PCDH9: variants seen among roughly 807,000 people sequenced by gnomAD.
PCDH9 encodes protocadherin 9, also known as protocadherin-9.
PCDH9 carries 24 observed loss-of-function variants against 70.6 expected under a neutral mutation model. The observed-to-expected ratio is 0.34, with a 90% CI of 0.25 to 0.48. The LOEUF (loss-of-function observed/expected upper bound fraction) is 0.48, where lower values mean the gene tolerates loss of function less well. Ranked by LOEUF, PCDH9 falls within the 20% of genes least tolerant of loss-of-function variation. The pLI is 0.99. For missense variants in PCDH9, 1,281 were observed against 1,503.6 expected, an observed-to-expected ratio of 0.85 and a Z score of 2.45; for synonymous variants, 562 against 558.5, an observed-to-expected ratio of 1.01 and a Z score of -0.09.
intron 2 of PCDH9, among the ~76,000 whole-genome samples, chr13:67,145,450 C>T (rs2087499837): frequency 6.6e-6 from 1 of 151,738 alleles, no homozygotes; most frequent in South Asian, 2.1e-4. Context: ...CACAGAAGCT[C>T]AAGAGTCTTA....
chr13:67,069,235 A>G (rs1432964286), intron 2 of PCDH9, among the ~76,000 whole-genome samples: 1 of 152,094 alleles, frequency 6.6e-6, no homozygotes, highest in Non-Finnish European at 1.5e-5. Flanking sequence ...TGCTTTTTCA[A>G]AAAGAGAATT....
At chr13:66,726,401 A>G (rs1160821870) in intron 3 of PCDH9, among the ~76,000 whole-genome samples, 1 of 152,208 alleles carries the variant, frequency 6.6e-6, no homozygotes, top group Non-Finnish European at 1.5e-5. Flanking sequence ...ATTAGATGGT[A>G]AAAGAAGCAT....
intron 3 of PCDH9, among the ~76,000 whole-genome samples, chr13:66,686,319 T>C (rs2078401224): frequency 6.6e-6 from 1 of 152,190 alleles, no homozygotes; most frequent in African/African-American, 2.4e-5. Flanking sequence ...TTATCTTTCC[T>C]GCCATCATTG....
chr13:66,992,366 C>T (rs1349758625), intron 2 of PCDH9, among the ~76,000 whole-genome samples: 3 of 152,084 alleles, frequency 2.0e-5, no homozygotes, highest in Non-Finnish European at 4.4e-5. Context: ...GGGGAAATCA[C>T]CCCCTCCAGC....
intron 3 of PCDH9, among the ~76,000 whole-genome samples, chr13:66,897,358 C>T (rs749742017): frequency 1.3e-5 from 2 of 151,920 alleles, no homozygotes; most frequent in Non-Finnish European, 2.9e-5. Flanking sequence ...ACTTGTTTCC[C>T]CTCTAAAGAA....
chr13:67,092,999 T>G (rs187304950), intron 2 of PCDH9, among the ~76,000 whole-genome samples: 20 of 152,188 alleles, frequency 1.3e-4, no homozygotes, highest in Non-Finnish European at 2.1e-4. Flanking sequence ...TAAGTAGCTA[T>G]GCAATATCAG....
rs189584801 is a variant in PCDH9 at position 66,489,236 on chromosome 13, G to A, written c.3340+141974C>T. ...GTATATCACATATCACTGTGTTACC[G>A]CATTGAAAAATTATAATCTGTCTAC... On this transcript the variant is annotated intron_variant, in intron 4 of 4. Transcript: ENST00000377865. Among the ~76,000 whole-genome samples, 196 of 152,152 alleles carry A rather than the reference G, an allele frequency of 1.3e-3. 1 individual carries two copies. Among genetic ancestry groups the A allele is most frequent in the African/African-American group, 4.5e-3 (187 of 41,514 alleles).
intron 4 of PCDH9, among the ~76,000 whole-genome samples, chr13:66,431,715 G>A (rs1427679568): frequency 6.6e-6 from 1 of 151,912 alleles, no homozygotes; most frequent in East Asian, 1.9e-4. Context: ...TCAAAACCAA[G>A]ACACCCACAG....
At chr13:66,771,947 GA>G in intron 3 of PCDH9, among the ~76,000 whole-genome samples, 1 of 152,198 alleles carries the variant, frequency 6.6e-6, no homozygotes, top group African/African-American at 2.4e-5. Context: ...TTAGAAAAAA[GA>G]ACAACAACAA....
intron 4 of PCDH9, among the ~76,000 whole-genome samples, chr13:66,469,291 CA>C (rs988509345): frequency 6.6e-6 from 1 of 151,940 alleles, no homozygotes; most frequent in Non-Finnish European, 1.5e-5. Flanking sequence ...TTTGCTGCGA[CA>C]AAACCACATT....
chr13:66,703,544 A>G (rs1335090480), intron 3 of PCDH9, among the ~76,000 whole-genome samples: 1 of 152,172 alleles, frequency 6.6e-6, no homozygotes, highest in Non-Finnish European at 1.5e-5. Flanking sequence ...GATTGAGGAT[A>G]TGTGTTTTCT....
intron 2 of PCDH9, among the ~76,000 whole-genome samples, chr13:66,936,460 T>C (rs1407685882): frequency 2.0e-5 from 3 of 152,178 alleles, no homozygotes; most frequent in Non-Finnish European, 4.4e-5. Context: ...ATTTCTTCCA[T>C]TGCTGGAAGA....
intron 2 of PCDH9, among the ~76,000 whole-genome samples, chr13:67,186,283 T>G (rs796231116): frequency 1.5e-4 from 23 of 152,306 alleles, no homozygotes; most frequent in African/African-American, 5.5e-4. Context: ...TGAGTGATTC[T>G]AAAGTTGAAA....
chr13:67,200,561 A>G (rs2089184560), intron 2 of PCDH9, among the ~76,000 whole-genome samples: 1 of 152,124 alleles, frequency 6.6e-6, no homozygotes, highest in South Asian at 2.1e-4. Flanking sequence ...ACCATTTTTC[A>G]ATAGCATGCC....
intron 3 of PCDH9, among the ~76,000 whole-genome samples, chr13:66,772,543 T>C (rs1040210651): frequency 3.3e-5 from 5 of 152,144 alleles, no homozygotes; most frequent in African/African-American, 1.2e-4. Context: ...TAAAATTAAC[T>C]TAATCAAACA....
intron 2 of PCDH9, among the ~76,000 whole-genome samples, chr13:67,131,890 C>T (rs1225551255): frequency 6.6e-6 from 1 of 152,148 alleles, no homozygotes; most frequent in Non-Finnish European, 1.5e-5. Context: ...TAATGCCCTG[C>T]ATATCCCATC....
chr13:66,690,112 T>C (rs950813895), intron 3 of PCDH9, among the ~76,000 whole-genome samples: 31 of 152,172 alleles, frequency 2.0e-4, no homozygotes, highest in Non-Finnish European at 1.2e-4. Flanking sequence ...AAGAAACAAC[T>C]GCACAGAAAT....
intron 2 of PCDH9, among the ~76,000 whole-genome samples, chr13:67,170,278 A>C (rs1352002154): frequency 2.6e-5 from 4 of 152,236 alleles, no homozygotes; most frequent in Non-Finnish European, 5.9e-5. Context: ...AAGAAATGGC[A>C]GCTCATATAA....
chr13:67,172,741 G>A (rs973629876), intron 2 of PCDH9, among the ~76,000 whole-genome samples: 11 of 152,092 alleles, frequency 7.2e-5, no homozygotes, highest in Admixed American at 5.2e-4. Flanking sequence ...AGCTGGGTGT[G>A]GTGGCACAAG....
Sources: gnomAD v4.1 joint callset for allele counts (sites outside exome capture counted in the v4.1 genomes callset) on GRCh38, gnomAD v4.1.1 for gene constraint, MANE v1.5 for transcripts, NCBI Gene and HGNC (gene_info 2026-07-23, HGNC 2026-07-21) for gene names.